SH3BP4: variants seen among roughly 807,000 people sequenced by gnomAD.
SH3BP4 encodes SH3 domain-binding protein 4.
Under a neutral mutation model 65.5 loss-of-function variants are expected in SH3BP4, and 33 were observed. That is an observed-to-expected ratio of 0.50 (90% CI 0.38 to 0.67). The LOEUF (loss-of-function observed/expected upper bound fraction) is 0.67, where lower values mean the gene tolerates loss of function less well. SH3BP4 is among the 30% of genes least tolerant of loss of function. SH3BP4 has a pLI of 0.00. For synonymous variants in SH3BP4, 552 were observed against 545.5 expected (o/e 1.01, Z -0.17); for missense variants, 1,134 against 1,261.4 (o/e 0.90, Z 1.53).
rs1409094409 is a variant in SH3BP4, at chr2:235,005,930, T to C, written c.-133+10554T>C. 2.6e-5 allele frequency among the ~76,000 whole-genome samples: 4 copies of C among 152,198 alleles called. No individual in the cohort carries two copies. In the South Asian group the frequency reaches 6.2e-4, roughly 24 times the overall value. ...GCACTCTTAGCTCCTGCAATTGGAATCCCGCTCTTGCGTGCCCGCCTGTGT... is the reference window on the plus strand; with the variant it reads ...GCACTCTTAGCTCCTGCAATTGGAACCCCGCTCTTGCGTGCCCGCCTGTGT... On this transcript the variant is annotated intron_variant, in intron 2 of 5. Coordinates refer to ENST00000392011, the MANE Select transcript of SH3BP4 (RefSeq NM_014521.3).
intron 2 of SH3BP4, among the ~76,000 whole-genome samples, chr2:235,023,322 G>A (rs558648162): frequency 6.6e-6 from 1 of 152,258 alleles, no homozygotes; most frequent in Admixed American, 6.5e-5. Context: ...TGAGGCGGGT[G>A]GATCACCTGA....
rs537469681 is a variant in SH3BP4 at position 235,033,051 on chromosome 2, C to T, written c.-132-1820C>T. ...TTACACTGCTGGGTAGGAGAGACGGCGGGGCTGGGCTCAGGTAGGTGTTTT... is the reference window on the plus strand; with the variant it reads ...TTACACTGCTGGGTAGGAGAGACGGTGGGGCTGGGCTCAGGTAGGTGTTTT... On this transcript the variant is annotated intron_variant, in intron 2 of 5. Coordinates refer to ENST00000392011, the MANE Select transcript of SH3BP4 (RefSeq NM_014521.3). The surrounding 1 kb of genome is among the most constrained non-coding windows in gnomAD (Gnocchi z 5.7). Among the ~76,000 whole-genome samples the T allele has an allele frequency of 5.8e-4, 89 of 152,240 alleles. 2 individuals are homozygous for T. The highest frequency in any genetic ancestry group is 4.6e-4 in the Admixed American group (7 of 15,308).
At chr2:234,992,799 C>T (rs375508171) in intron 1 of SH3BP4, among the ~76,000 whole-genome samples, 1 of 146,442 alleles carries the variant, frequency 6.8e-6, no homozygotes, top group African/African-American at 2.6e-5. Flanking sequence ...ACATTCCTGC[C>T]GTGTGGCTCT....
intron 1 of SH3BP4, among the ~76,000 whole-genome samples, chr2:234,972,882 GCCACCT>G (rs1400733163): frequency 6.6e-6 from 1 of 152,146 alleles, no homozygotes; most frequent in East Asian, 1.9e-4. Context: ...CTCTTCCAAA[GCCACCT>G]TTACCTTTGC....
Position 235,042,715 on chromosome 2 carries a change from A to T in SH3BP4, c.1946A>T (p.Gln649Leu). 6.2e-7 allele frequency: 1 copy of T among 1,614,196 alleles called. No individual in the cohort carries two copies. The highest frequency in any genetic ancestry group is 8.5e-7 in the Non-Finnish European group (1 of 1,180,042). ...FATTTKYPTF[Q>L]DRPVSSLKFG... is the part of the protein sequence containing the mutation. ...ACCACTACAAAGTACCCGACTTTCC[A>T]GGACCGCCCGGTGTCCAGCCTCAAG... The change falls in exon 4 of 6, where the codon CAG (glutamine) becomes CTG (leucine). Residue 649 changes from glutamine to leucine, a missense_variant. By Grantham distance (113) the Gln-to-Leu change is moderately radical (BLOSUM62 -2). Transcript: ENST00000392011. This position sits in a 1 kb window ranked among gnomAD's most constrained non-coding sequence, Gnocchi z 7.3.
In SH3BP4 at chr2:235,041,627, C is replaced by G; in HGVS notation, c.858C>G (p.Ala286=). The G allele has an allele frequency of 2.5e-6, 4 of 1,614,050 alleles. No individual in the cohort carries two copies. Among genetic ancestry groups the G allele is most frequent in the Non-Finnish European group, 2.5e-6 (3 of 1,180,030 alleles). ...AGAGCCGGGAGGATTTTCGAACTGC[C>G]TGGCTAAACCACAGGAAGCTGGCCC... The part of the protein sequence containing the change: ...QFQSREDFRT[A]WLNHRKLARS... The change falls in exon 4 of 6, where the codon GCC becomes GCG. Residue 286 remains alanine, a synonymous_variant. Coordinates refer to ENST00000392011, the MANE Select transcript of SH3BP4 (RefSeq NM_014521.3). The surrounding 1 kb of genome is among the most constrained non-coding windows in gnomAD (Gnocchi z 6.0).
intron 5 of SH3BP4, 77 bp from the exon 6 acceptor site, chr2:235,053,515 T>G (rs773096049): frequency 9.0e-7 from 1 of 1,105,344 alleles, no homozygotes; most frequent in Admixed American, 1.9e-5. Context: ...CACCAAGTAA[T>G]AGGAACAAAT....
chr2:234,960,111 G>T (rs1692672946), intron 1 of SH3BP4, among the ~76,000 whole-genome samples: 1 of 152,188 alleles, frequency 6.6e-6, no homozygotes, highest in African/African-American at 2.4e-5. Context: ...GGAAATAAGG[G>T]TACGGTATTC....
At chr2:235,051,684 T>C (rs1696058573) in intron 4 of SH3BP4, among the ~76,000 whole-genome samples, 1 of 152,146 alleles carries the variant, frequency 6.6e-6, no homozygotes, top group Non-Finnish European at 1.5e-5. Flanking sequence ...TGGTACACCC[T>C]GTCTCTGACC....
chr2:235,036,740 A>AAAAAAAAAAATAAATAATAATAAT (rs146049108), intron 3 of SH3BP4, among the ~76,000 whole-genome samples: 1 of 141,740 alleles, frequency 7.1e-6, no homozygotes, highest in Non-Finnish European at 1.5e-5. Flanking sequence ...TCTATATAAA[A>AAAAAAAAAAATAAATAATAATAAT]AATAATAATA....
chr2:235,028,302 G>A lies in SH3BP4; in HGVS notation c.-132-6569G>A, dbSNP rs187650379. Reference sequence around the variant, plus strand: ...GGGCCCTGCAACTGCAGGCTGTCCTGGAGAAGTGACCACTGGGACCTGCTG... The same window carrying A: ...GGGCCCTGCAACTGCAGGCTGTCCTAGAGAAGTGACCACTGGGACCTGCTG... On this transcript the variant is annotated intron_variant, in intron 2 of 5. Transcript: ENST00000392011. Among the ~76,000 whole-genome samples, 361 of 152,336 alleles carry A rather than the reference G, an allele frequency of 2.4e-3. 1 individual carries two copies. The highest frequency in any genetic ancestry group is 8.2e-3 in the African/African-American group (342 of 41,574).
intron 1 of SH3BP4, among the ~76,000 whole-genome samples, chr2:234,969,538 C>T (rs1293149599): frequency 6.6e-6 from 1 of 152,224 alleles, no homozygotes; most frequent in African/African-American, 2.4e-5. Flanking sequence ...TTGTCGCCTT[C>T]CAGCTATTCC....
chr2:234,964,845 C>T (rs1692799390), intron 1 of SH3BP4, among the ~76,000 whole-genome samples: 1 of 152,104 alleles, frequency 6.6e-6, no homozygotes, highest in Admixed American at 6.5e-5. Context: ...TTGAAAGGGG[C>T]CGGGTGACCT....
Position 234,977,747 on chromosome 2 carries a change from G to T in SH3BP4, c.-206-17556G>T, listed in dbSNP as rs116495419. On this transcript the variant is annotated intron_variant, in intron 1 of 5. Coordinates refer to ENST00000392011, the MANE Select transcript of SH3BP4 (RefSeq NM_014521.3). The surrounding 1 kb of genome is among the most constrained non-coding windows in gnomAD (Gnocchi z 5.1). ...TGATTTTTTTTTGCTTATGCAGTTAGTGCACAGAGTGAGCCCTGCGCTGGG... is the reference window on the plus strand; with the variant it reads ...TGATTTTTTTTTGCTTATGCAGTTATTGCACAGAGTGAGCCCTGCGCTGGG... Among the ~76,000 whole-genome samples, 1,801 of 152,154 alleles carry T rather than the reference G, an allele frequency of 0.012. 41 individuals are homozygous for T. Among genetic ancestry groups the T allele is most frequent in the African/African-American group, 0.041 (1,710 of 41,498 alleles).
chr2:234,988,408 A>G (rs1693647699), intron 1 of SH3BP4, among the ~76,000 whole-genome samples: 1 of 152,136 alleles, frequency 6.6e-6, no homozygotes, highest in South Asian at 2.1e-4. Flanking sequence ...TTTCTGAAAC[A>G]TTTCACTTGA....
At chr2:234,964,279 C>G (rs992714717) in intron 1 of SH3BP4, among the ~76,000 whole-genome samples, 2 of 152,126 alleles carry the variant, frequency 1.3e-5, no homozygotes, top group African/African-American at 4.8e-5. Context: ...TGGGGAGGGG[C>G]CCTGACATCA....
chr2:235,018,118 T>C (rs1183462923), intron 2 of SH3BP4, among the ~76,000 whole-genome samples: 1 of 152,162 alleles, frequency 6.6e-6, no homozygotes, highest in Non-Finnish European at 1.5e-5. Flanking sequence ...GCTTATGGTG[T>C]AGCCAAACCC....
chr2:234,962,721 T>G (rs557626940), intron 1 of SH3BP4, among the ~76,000 whole-genome samples: 108 of 152,078 alleles, frequency 7.1e-4, no homozygotes, highest in African/African-American at 2.4e-3. Flanking sequence ...AATTTTTCAA[T>G]AAGTATTTAT....
chr2:235,033,807 G>T lies in SH3BP4; in HGVS notation c.-132-1064G>T, dbSNP rs920053199. On this transcript the variant is annotated intron_variant, in intron 2 of 5. Coordinates refer to ENST00000392011, the MANE Select transcript of SH3BP4 (RefSeq NM_014521.3). This position sits in a 1 kb window ranked among gnomAD's most constrained non-coding sequence, Gnocchi z 5.7. Reference sequence around the variant, plus strand: ...GGCTGCTGCAGAAACGTTGCAAAGGGTGGTGTCAGGGCCTCCGGGTCTCTG... The same window carrying T: ...GGCTGCTGCAGAAACGTTGCAAAGGTTGGTGTCAGGGCCTCCGGGTCTCTG... 6.6e-6 allele frequency among the ~76,000 whole-genome samples: 1 copy of T among 152,202 alleles called. No individual in the cohort carries two copies. The highest frequency in any genetic ancestry group is 1.5e-5 in the Non-Finnish European group (1 of 68,038).
Sources: allele counts gnomAD v4.1 joint callset (sites outside exome capture counted in the v4.1 genomes callset), GRCh38; gene constraint gnomAD v4.1.1; non-coding constraint Gnocchi (gnomAD v3.1); transcripts MANE v1.5; gene names NCBI Gene and HGNC (gene_info 2026-07-23, HGNC 2026-07-21).